DAB1: variants seen among roughly 807,000 people sequenced by gnomAD.
DAB1 encodes disabled homolog 1.
A neutral mutation model predicts 64.6 loss-of-function variants in DAB1; 15 were observed. That is an observed-to-expected ratio of 0.23 (90% confidence interval 0.16 to 0.36). The LOEUF is 0.36. Ranked by LOEUF, DAB1 falls within the 10% of genes least tolerant of loss-of-function variation. DAB1 has a pLI of 1.00. For synonymous variants in DAB1, 235 were observed against 251.9 expected, an observed-to-expected ratio of 0.93 and a Z score of 0.64; for missense variants, 596 against 706.7, an observed-to-expected ratio of 0.84 and a Z score of 1.78.
intron 6 of DAB1, among the ~76,000 whole-genome samples, chr1:57,691,919 C>T (rs1570742254): frequency 6.6e-6 from 1 of 152,050 alleles, no homozygotes; most frequent in Non-Finnish European, 1.5e-5. Flanking sequence ...AGCATGGCTG[C>T]CGGACTAAAG....
chr1:57,128,533 T>C (rs2100773771), intron 4 of DAB1, among the ~76,000 whole-genome samples: 1 of 152,320 alleles, frequency 6.6e-6, no homozygotes, highest in South Asian at 2.1e-4. Flanking sequence ...ATAGTTGCAC[T>C]ACTTAAACTC....
At chr1:58,052,899 C>T (rs1483219194) in intron 5 of DAB1, among the ~76,000 whole-genome samples, 1 of 152,176 alleles carries the variant, frequency 6.6e-6, no homozygotes, top group South Asian at 2.1e-4. Flanking sequence ...GTACAAGAAA[C>T]ATAGTGCCAA....
intron 6 of DAB1, among the ~76,000 whole-genome samples, chr1:57,768,610 G>T (rs1286603463): frequency 6.7e-6 from 1 of 150,214 alleles, no homozygotes; most frequent in East Asian, 1.9e-4. Flanking sequence ...ATACAGTAAG[G>T]TATATATATT....
chr1:57,471,040 G>A lies in DAB1; in HGVS notation n.625+178552C>T, dbSNP rs111840533. On this transcript the variant is annotated intron_variant and non_coding_transcript_variant, in intron 7 of 20. Coordinates refer to the DAB1 transcript ENST00000485760. The stretch of plus-strand genomic sequence containing the variant: ...TTCAAGACACAGCAAGAAATTCTGA[G>A]TCCTCAAAATAATTGATCTGCAGCA... Among the ~76,000 whole-genome samples, 1,055 of 152,288 alleles carry A rather than the reference G, an allele frequency of 6.9e-3. 12 individuals are homozygous for A. The highest frequency in any genetic ancestry group is 0.024 in the African/African-American group (1,000 of 41,562).
At chr1:57,791,359 T>C (rs1369831482) in intron 6 of DAB1, among the ~76,000 whole-genome samples, 2 of 152,226 alleles carry the variant, frequency 1.3e-5, no homozygotes, top group East Asian at 3.8e-4. Context: ...TTTCCATTCC[T>C]ACTTCTACTT....
In DAB1 at chr1:57,741,289, A is replaced by T. The variant is rs138309265; in HGVS notation, n.552-91624T>A. Among the ~76,000 whole-genome samples, 813 of 152,308 alleles carry T rather than the reference A, an allele frequency of 5.3e-3. 9 individuals carry two copies. Among genetic ancestry groups the T allele is most frequent in the African/African-American group, 0.019 (774 of 41,562 alleles). ...CAATTATTAATATTAACAATAATAAAAAATAAAATGTATTGAATGTTTCTT... is the reference window on the plus strand; with the variant it reads ...CAATTATTAATATTAACAATAATAATAAATAAAATGTATTGAATGTTTCTT... On this transcript the variant is annotated intron_variant and non_coding_transcript_variant, in intron 6 of 20. Transcript: ENST00000485760.
At chr1:58,491,278 A>C (rs1569880078) in intron 3 of DAB1, among the ~76,000 whole-genome samples, 1 of 152,318 alleles carries the variant, frequency 6.6e-6, no homozygotes, top group East Asian at 1.9e-4. Context: ...TAAACATGGA[A>C]AGGAACAACC....
At chr1:58,320,692 A>C (rs1331636726) in intron 4 of DAB1, among the ~76,000 whole-genome samples, 1 of 152,222 alleles carries the variant, frequency 6.6e-6, no homozygotes, top group Non-Finnish European at 1.5e-5. Context: ...AGGCCTGGTC[A>C]TGTTGAACAT....
intron 5 of DAB1, among the ~76,000 whole-genome samples, chr1:57,892,682 C>G (rs900594949): frequency 2.6e-5 from 4 of 152,164 alleles, no homozygotes; most frequent in African/African-American, 7.2e-5. Flanking sequence ...TTGTTTTCTT[C>G]TATTCTAACA....
At chr1:58,078,373 T>G (rs760171720) in intron 5 of DAB1, among the ~76,000 whole-genome samples, 5 of 152,226 alleles carry the variant, frequency 3.3e-5, no homozygotes, top group Non-Finnish European at 7.3e-5. Flanking sequence ...TGGGGATAAT[T>G]GATGTATGTT....
intron 3 of DAB1, among the ~76,000 whole-genome samples, chr1:57,142,529 G>GTT (rs1314660696): frequency 1.3e-5 from 2 of 150,710 alleles, no homozygotes; most frequent in Non-Finnish European, 3.0e-5. Context: ...TGTTATAGTA[G>GTT]GACAAACTCT....
At chr1:57,735,140 A>G (rs965714563) in intron 6 of DAB1, among the ~76,000 whole-genome samples, 4 of 152,154 alleles carry the variant, frequency 2.6e-5, no homozygotes, top group African/African-American at 9.7e-5. Context: ...ATTCCAAAGC[A>G]TAATTTTGGA....
intron 6 of DAB1, among the ~76,000 whole-genome samples, chr1:57,726,445 A>C (rs1329816782): frequency 1.3e-5 from 2 of 152,230 alleles, no homozygotes; most frequent in Admixed American, 6.5e-5. Context: ...GCACTGGGAA[A>C]TGTAAACTAG....
At chr1:58,531,627 T>G (rs565997525) in intron 1 of DAB1, among the ~76,000 whole-genome samples, 4 of 152,256 alleles carry the variant, frequency 2.6e-5, no homozygotes, top group African/African-American at 9.6e-5. Context: ...TATTGTACCC[T>G]CACAAAACAT....
At chr1:57,396,231 A>G (rs11807631) in intron 1 of DAB1, among the ~76,000 whole-genome samples, 16,558 of 152,220 alleles carry the variant, frequency 0.11, 985 homozygotes, top group Admixed American at 0.13. Context: ...TCTGCTGAAA[A>G]CATTAGATTG....
chr1:57,751,436 G>A (rs1045432024), intron 6 of DAB1, among the ~76,000 whole-genome samples: 1 of 151,942 alleles, frequency 6.6e-6, no homozygotes, highest in African/African-American at 2.4e-5. Context: ...AACTGGAGGG[G>A]GATGCTACCT....
At chr1:57,452,166 CTTTTTT>C (rs78592207) in intron 7 of DAB1, among the ~76,000 whole-genome samples, 2 of 75,010 alleles carry the variant, frequency 2.7e-5, no homozygotes, top group East Asian at 5.4e-4. Context: ...TGCACCCCCC[CTTTTTT>C]TTTTTTTTTT....
intron 1 of DAB1, among the ~76,000 whole-genome samples, chr1:57,320,597 G>A (rs1346435966): frequency 6.6e-6 from 1 of 152,074 alleles, no homozygotes; most frequent in Non-Finnish European, 1.5e-5. Context: ...AGAGAAACAT[G>A]TCTATAGATC....
At chr1:57,090,812 T>C (rs1050336641) in intron 4 of DAB1, among the ~76,000 whole-genome samples, 2 of 152,112 alleles carry the variant, frequency 1.3e-5, no homozygotes, top group Non-Finnish European at 2.9e-5. Flanking sequence ...TGTGGCCTGT[T>C]AGAAACCAGG....
Sources: allele counts gnomAD v4.1 joint callset (sites outside exome capture counted in the v4.1 genomes callset), GRCh38; gene constraint gnomAD v4.1.1; transcripts MANE v1.5; gene names NCBI Gene and HGNC (gene_info 2026-07-23, HGNC 2026-07-21).